Variants in AAK1 observed in about 807,000 individuals in gnomAD.
AAK1 encodes the protein AP2-associated protein kinase 1.
A neutral mutation model predicts 116.0 loss-of-function variants in AAK1; 37 were observed. The ratio of observed to expected loss-of-function variants is 0.32; its 90% CI spans 0.25 to 0.42. The LOEUF is 0.42. Among genes scored for constraint, AAK1 ranks in the 10% least tolerant of loss-of-function variants. AAK1 has a pLI of 1.00. For missense variants in AAK1, 919 were observed against 1,170.6 expected (o/e 0.79, Z 3.14); for synonymous variants, 458 against 439.9 (o/e 1.04, Z -0.51).
chr2:69,523,921 T>C (rs932465586), intron 10 of AAK1, among the ~76,000 whole-genome samples: 11 of 152,250 alleles, frequency 7.2e-5, no homozygotes, highest in African/African-American at 2.7e-4. Flanking sequence ...TTCTTCTCCC[T>C]CTGTCTGGGT....
intron 2 of AAK1, among the ~76,000 whole-genome samples, chr2:69,595,952 T>C (rs1327482767): frequency 6.6e-6 from 1 of 152,248 alleles, no homozygotes; most frequent in Non-Finnish European, 1.5e-5. Context: ...TTAAGAGTTA[T>C]GCTAAATCTA....
chr2:69,547,980 T>C (rs1670998456), intron 3 of AAK1, among the ~76,000 whole-genome samples: 2 of 152,156 alleles, frequency 1.3e-5, no homozygotes, highest in South Asian at 4.1e-4. Flanking sequence ...AACAACAATA[T>C]GCTAAGTGAA....
At chr2:69,643,375 GC>G (rs1675837890) in intron 1 of AAK1, 101 bp from the exon 2 acceptor site, 8 of 1,182,254 alleles carry the variant, frequency 6.8e-6, no homozygotes, top group Non-Finnish European at 7.4e-6. Flanking sequence ...CTGGGGAAAC[GC>G]TTCATGTATT....
In AAK1 at chr2:69,643,044, G is replaced by A; in HGVS notation, c.-4C>T. On this transcript the variant is annotated 5_prime_UTR_variant, in exon 2 of 22. Transcript: ENST00000409085. ...GGGAGTCGAAAAACTTCTTCATCTT[G>A]CGAATAGGGAGCAGCAAAGCAAAAT... is the stretch of plus-strand genomic sequence containing the variant. 4 of 1,593,550 alleles carry A rather than the reference G, an allele frequency of 2.5e-6. No homozygotes were observed. The highest frequency in any genetic ancestry group is 2.6e-6 in the Non-Finnish European group (3 of 1,171,494).
At chr2:69,507,677 C>T (rs2104964734) in intron 14 of AAK1, 99 bp from the exon 15 acceptor site, 2 of 1,170,028 alleles carry the variant, frequency 1.7e-6, no homozygotes, top group South Asian at 3.9e-5. Flanking sequence ...AAATTATTTT[C>T]TGGGTCAAAC....
intron 2 of AAK1, among the ~76,000 whole-genome samples, chr2:69,569,258 T>C (rs753846665): frequency 3.9e-5 from 6 of 152,162 alleles, no homozygotes; most frequent in Non-Finnish European, 8.8e-5. Flanking sequence ...ACAGTAAAGT[T>C]GAAAAGATCA....
intron 2 of AAK1, among the ~76,000 whole-genome samples, chr2:69,631,384 G>A (rs1043045972): frequency 1.6e-4 from 24 of 152,280 alleles, no homozygotes; most frequent in Admixed American, 8.5e-4. Flanking sequence ...TCATTATAAC[G>A]ACAAAAGATA....
intron 2 of AAK1, among the ~76,000 whole-genome samples, chr2:69,591,286 TGATC>T (rs1673013518): frequency 1.3e-5 from 2 of 152,064 alleles, no homozygotes; most frequent in Non-Finnish European, 2.9e-5. Flanking sequence ...AAATAACTGG[TGATC>T]AATCAAAACC....
chr2:69,573,784 G>T (rs1672184851), intron 2 of AAK1, among the ~76,000 whole-genome samples: 1 of 152,116 alleles, frequency 6.6e-6, no homozygotes, highest in South Asian at 2.1e-4. Flanking sequence ...CAGATCACTT[G>T]AGGTCAGGAG....
intron 2 of AAK1, among the ~76,000 whole-genome samples, chr2:69,639,495 C>A (rs899611010): frequency 6.6e-6 from 1 of 152,158 alleles, no homozygotes; most frequent in African/African-American, 2.4e-5. Context: ...TAACTTAAAG[C>A]CTTCACTTCC....
At chr2:69,596,680 T>C (rs2105183784) in intron 2 of AAK1, among the ~76,000 whole-genome samples, 1 of 152,390 alleles carries the variant, frequency 6.6e-6, no homozygotes, top group African/African-American at 2.4e-5. Flanking sequence ...CATGCTTTTC[T>C]GGAGCATGGC....
chr2:69,572,651 A>C (rs1264511224), intron 2 of AAK1, among the ~76,000 whole-genome samples: 1 of 151,794 alleles, frequency 6.6e-6, no homozygotes, highest in Non-Finnish European at 1.5e-5. Context: ...AAAGCATACA[A>C]ATATTCTTTA....
intron 20 of AAK1, among the ~76,000 whole-genome samples, chr2:69,478,172 T>C (rs1305378137): frequency 6.6e-6 from 1 of 152,236 alleles, no homozygotes; most frequent in Non-Finnish European, 1.5e-5. Context: ...TGAGGAAAGA[T>C]GCTTATTTCT....
chr2:69,607,599 G>A lies in AAK1; in HGVS notation c.163+35279C>T, dbSNP rs543030598. ...ACAAAATCTATTAAACATGGCCATC[G>A]AGAGGTGGGACAGTATCATGAAAAC... is the stretch of plus-strand genomic sequence containing the variant. On this transcript the variant is annotated intron_variant, in intron 2 of 21. Coordinates refer to ENST00000409085, the MANE Select transcript of AAK1 (RefSeq NM_014911.5). Among the ~76,000 whole-genome samples the A allele has an allele frequency of 5.9e-5, 9 of 152,232 alleles. 1 individual carries two copies. The South Asian group carries it at 1.0e-3, about 18-fold the overall frequency.
At position 69,492,518 on chromosome 2, in the gene AAK1, C is replaced by CTTTTT. The variant is rs987331929; in HGVS notation, c.2365+3462_2365+3466dup. Among the ~76,000 whole-genome samples the CTTTTT allele has an allele frequency of 4.7e-4, 39 of 83,382 alleles. 1 individual carries two copies. Among genetic ancestry groups the CTTTTT allele is most frequent in the East Asian group, 1.3e-3 (3 of 2,348 alleles). 54.7% of individuals were successfully genotyped at this position (83,382 alleles called of 152,430 possible). On this transcript the variant is annotated intron_variant, in intron 17 of 21. Transcript: ENST00000409085. ...CGTGAGCCACCGTGCCTGGCCAATTCTTTTTTTTTTTTTTTTTTTTTTGAG... is the reference window on the plus strand; with the variant it reads ...CGTGAGCCACCGTGCCTGGCCAATTCTTTTTTTTTTTTTTTTTTTTTTTTTTTGAG...
intron 13 of AAK1, among the ~76,000 whole-genome samples, chr2:69,512,124 G>A (rs1000191981): frequency 2.6e-5 from 4 of 152,102 alleles, no homozygotes; most frequent in Non-Finnish European, 4.4e-5. Context: ...CATCCAAACA[G>A]GATTGGAAAG....
chr2:69,511,798 A>C (rs1676405972), intron 13 of AAK1, among the ~76,000 whole-genome samples: 1 of 152,036 alleles, frequency 6.6e-6, no homozygotes, highest in Non-Finnish European at 1.5e-5. Context: ...CTTGGAGAAC[A>C]TTTTTCTCTT....
At chr2:69,491,957 T>G (rs1014517663) in intron 17 of AAK1, among the ~76,000 whole-genome samples, 7 of 151,944 alleles carry the variant, frequency 4.6e-5, no homozygotes, top group African/African-American at 1.5e-4. Context: ...CTGAGAACTG[T>G]CCCAAAGATA....
At chr2:69,539,644 T>C (rs576695454) in intron 5 of AAK1, among the ~76,000 whole-genome samples, 6 of 152,306 alleles carry the variant, frequency 3.9e-5, no homozygotes, top group South Asian at 2.1e-4. Context: ...TGTCAATACA[T>C]ATTCAGAGCA....
Sources: gnomAD v4.1 joint callset for allele counts (sites outside exome capture counted in the v4.1 genomes callset) on GRCh38, gnomAD v4.1.1 for gene constraint, MANE v1.5 for transcripts, NCBI Gene and HGNC (gene_info 2026-07-23, HGNC 2026-07-21) for gene names.